Variants in RTCA observed in about 807,000 individuals in gnomAD.
The protein encoded by RTCA is RNA 3'-terminal phosphate cyclase.
In RTCA, 37 loss-of-function variants were observed where a neutral mutation model predicts 46.1. That is an observed-to-expected ratio of 0.80 (90% CI 0.62 to 1.06). RTCA has a LOEUF of 1.06. Among genes scored for constraint, RTCA ranks in the 50% least tolerant of loss-of-function variants. The pLI is 0.00. For missense variants in RTCA, 435 were observed against 455.5 expected (o/e 0.95, Z 0.41); for synonymous variants, 164 against 158.3 (o/e 1.04, Z -0.27).
rs183367442 is a variant in RTCA at position 100,291,833 on chromosome 1, A to G, written c.*329A>G. ...ATCAGGGATATAGATTTGATCTGTA[A>G]TTTGGGTATAATTCTAATCTTTGCT... On this transcript the variant is annotated 3_prime_UTR_variant, in exon 11 of 11. Transcript: ENST00000370128. 1.0e-4 allele frequency: 17 copies of G among 161,978 alleles called. No homozygotes were observed. Among genetic ancestry groups the G allele is most frequent in the African/African-American group, 3.8e-4 (16 of 41,886 alleles). 10.0% of individuals were successfully genotyped at this position (161,978 alleles called of 1,614,324 possible).
rs896861314 is a variant in RTCA at position 100,277,189 on chromosome 1, C to T, written c.741-69C>T. ...CTGCCTATTTAATAGTCATTGTTCTCTTTTGTTGTATTTGCATAAATTTGG... is the reference window on the plus strand; with the variant it reads ...CTGCCTATTTAATAGTCATTGTTCTTTTTTGTTGTATTTGCATAAATTTGG... On this transcript the variant is annotated intron_variant, in intron 7 of 10. Coordinates refer to ENST00000370128, the MANE Select transcript of RTCA (RefSeq NM_003729.4). 33 of 1,418,578 alleles carry T rather than the reference C, an allele frequency of 2.3e-5. 1 individual carries two copies. In the Admixed American group the frequency reaches 5.1e-4, roughly 22 times the overall value. 87.9% of individuals were successfully genotyped at this position (1,418,578 alleles called of 1,614,324 possible).
At position 100,287,175 on chromosome 1, in the gene RTCA, C is replaced by T. The variant is rs1005099827; in HGVS notation, c.971C>T (p.Ala324Val). ...CCAGTTACACTCCATACGCAAACCG[C>T]GATACATTTTGCTGAACAAATAGCA... is the stretch of plus-strand genomic sequence containing the variant. ...TGPVTLHTQT[A>V]IHFAEQIAKA... The change falls in exon 10 of 11, where the codon GCG becomes GTG. Residue 324 changes from alanine (A) to valine (V), a missense_variant. Transcript: ENST00000370128. 2.2e-5 allele frequency: 35 copies of T among 1,582,338 alleles called. No homozygotes were observed. Among genetic ancestry groups the T allele is most frequent in the East Asian group, 1.2e-4 (5 of 42,350 alleles).
rs1364043381 is a variant in RTCA at position 100,273,469 on chromosome 1, T to G, written c.473+17T>G. The G allele has an allele frequency of 1.3e-6, 2 of 1,516,288 alleles. No homozygotes were observed. The highest frequency in any genetic ancestry group is 2.8e-5 in the African/African-American group (2 of 72,536). 93.9% of individuals were successfully genotyped at this position (1,516,288 alleles called of 1,614,324 possible). A position where few individuals can be genotyped will look rare whatever the true frequency, so the allele number is the denominator to read the frequency against. ...TAAAACAAGGTAAGTTGCTTGTTTC[T>G]TAAATGTTAGGATCTATTACTTACG... On this transcript the variant is annotated intron_variant, in intron 5 of 10. Transcript: ENST00000370128.
chr1:100,289,867 G>A (rs1667257524), intron 10 of RTCA, among the ~76,000 whole-genome samples: 1 of 152,184 alleles, frequency 6.6e-6, no homozygotes, highest in African/African-American at 2.4e-5. Context: ...TCAGACTTAA[G>A]CTAGATAGGC....
chr1:100,277,828 CT>C (rs147342350), intron 8 of RTCA, among the ~76,000 whole-genome samples: 1,986 of 150,480 alleles, frequency 0.013, 40 homozygotes, highest in African/African-American at 0.046. Flanking sequence ...GCATTTGTTT[CT>C]CAAGTCTCTT....
In RTCA at chr1:100,282,462, C is replaced by T. The variant is rs371103758; in HGVS notation, c.800-2766C>T. 1.9e-4 allele frequency among the ~76,000 whole-genome samples: 29 copies of T among 152,320 alleles called. No individual in the cohort carries two copies. The South Asian group carries it at 4.6e-3, about 24-fold the overall frequency. The stretch of plus-strand genomic sequence containing the variant: ...CAAATTATTCTAGAACCTATATAAT[C>T]TCTTACTTTTCTGAACTCCTGTCGG... On this transcript the variant is annotated intron_variant, in intron 8 of 10. Transcript: ENST00000370128.
rs554859663 is a variant in RTCA at position 100,281,430 on chromosome 1, C to T, written c.800-3798C>T. 1.9e-4 allele frequency: 78 copies of T among 417,036 alleles called. 1 individual carries two copies. The highest frequency in any genetic ancestry group is 1.7e-3 in the Admixed American group (56 of 32,766). 25.8% of individuals were successfully genotyped at this position (417,036 alleles called of 1,614,324 possible). ...CCTTATCTGAAAAATGATATTGGAC[C>T]GTGATTGTGATCTATGTTTAAGGAT... On this transcript the variant is annotated intron_variant, in intron 8 of 10. Transcript: ENST00000370128.
In RTCA at chr1:100,274,893, A is replaced by G. The variant is rs189077682; in HGVS notation, c.543A>G (p.Ile181Met). Residue 181 changes from isoleucine (I) to methionine (M), a missense_variant, in exon 6 of 11, where the codon ATA (isoleucine) becomes ATG (methionine). Physicochemically the swap from Ile to Met is conservative, Grantham distance 10. Coordinates refer to ENST00000370128, the MANE Select transcript of RTCA (RefSeq NM_003729.4). ...CACCAGTTAAACAATTGAACCCTAT[A>G]AATTTAACTGAGCGTGGCTGTGTGA... ...RMSPVKQLNP[I>M]NLTERGCVTK... The G allele has an allele frequency of 2.9e-5, 47 of 1,613,822 alleles. No homozygotes were observed. Among genetic ancestry groups the G allele is most frequent in the Non-Finnish European group, 3.7e-5 (44 of 1,179,768 alleles).
intron 9 of RTCA, among the ~76,000 whole-genome samples, chr1:100,285,523 G>A (rs1025531673): frequency 1.3e-5 from 2 of 152,156 alleles, no homozygotes; most frequent in Non-Finnish European, 2.9e-5. Flanking sequence ...TTGCGCAATT[G>A]ACCACTCCTT....
At chr1:100,285,134 A>G (rs1177156873) in intron 8 of RTCA, 94 bp from the exon 9 acceptor site, 4 of 895,910 alleles carry the variant, frequency 4.5e-6, no homozygotes, top group Non-Finnish European at 7.3e-6. Flanking sequence ...ATTGTATACC[A>G]GTGCTAATTG....
intron 7 of RTCA, among the ~76,000 whole-genome samples, chr1:100,276,361 TA>T (rs1302470181): frequency 6.6e-6 from 1 of 152,120 alleles, no homozygotes; most frequent in Non-Finnish European, 1.5e-5. Flanking sequence ...AGTTCACAAA[TA>T]AATATAGCAA....
chr1:100,284,536 G>A (rs1666919035), intron 8 of RTCA, among the ~76,000 whole-genome samples: 1 of 152,004 alleles, frequency 6.6e-6, no homozygotes, highest in African/African-American at 2.4e-5. Flanking sequence ...TGGGATTACA[G>A]GCATGCACCA....
intron 8 of RTCA, among the ~76,000 whole-genome samples, chr1:100,278,267 C>T (rs934557163): frequency 6.6e-6 from 1 of 152,170 alleles, no homozygotes; most frequent in African/African-American, 2.4e-5. Flanking sequence ...TTCTCTGCAT[C>T]AGTTATTACA....
intron 8 of RTCA, among the ~76,000 whole-genome samples, chr1:100,280,281 G>A (rs745314914): frequency 1.8e-4 from 28 of 152,104 alleles, no homozygotes; most frequent in Admixed American, 5.9e-4. Flanking sequence ...GATATGCTGC[G>A]TTGAGATTGA....
chr1:100,286,323 G>A (rs1477880178), intron 9 of RTCA, among the ~76,000 whole-genome samples: 2 of 151,724 alleles, frequency 1.3e-5, no homozygotes, highest in Admixed American at 6.6e-5. Flanking sequence ...GCGTGGTGGC[G>A]GGTGCCTGTA....
chr1:100,272,017 A>C (rs1450975064), intron 4 of RTCA, among the ~76,000 whole-genome samples: 1 of 152,078 alleles, frequency 6.6e-6, no homozygotes, highest in Non-Finnish European at 1.5e-5. Context: ...TGCAATGAAA[A>C]CTTGAGTTGT....
chr1:100,283,315 C>T (rs973014454), intron 8 of RTCA, among the ~76,000 whole-genome samples: 2 of 151,680 alleles, frequency 1.3e-5, no homozygotes, highest in East Asian at 1.9e-4. Context: ...AAACTACAAT[C>T]GCACACAACC....
chr1:100,275,789 G>T (rs1666336854), intron 7 of RTCA, 66 bp downstream of exon 7: 5 of 1,351,184 alleles, frequency 3.7e-6, no homozygotes, highest in Middle Eastern at 1.9e-4. Flanking sequence ...TTAAATTAAA[G>T]ATTTTTAGGG....
chr1:100,288,460 G>A (rs951842983), intron 10 of RTCA, among the ~76,000 whole-genome samples: 1 of 151,908 alleles, frequency 6.6e-6, no homozygotes, highest in South Asian at 2.1e-4. Flanking sequence ...GCCCAGGCTG[G>A]ATTGCAGTGG....
Sources: gnomAD v4.1 joint callset for allele counts (sites outside exome capture counted in the v4.1 genomes callset) on GRCh38, gnomAD v4.1.1 for gene constraint, MANE v1.5 for transcripts, NCBI Gene and HGNC (gene_info 2026-07-23, HGNC 2026-07-21) for gene names.